CACNA2D3: variants seen among roughly 807,000 people sequenced by gnomAD.
CACNA2D3 encodes the protein calcium voltage-gated channel auxiliary subunit alpha2delta 3, also known as voltage-dependent calcium channel subunit alpha-2/delta-3.
CACNA2D3 carries 60 observed loss-of-function variants against 160.6 expected under a neutral mutation model. That is an observed-to-expected ratio of 0.37 (90% confidence interval 0.30 to 0.46). The LOEUF is 0.46. Ranked by LOEUF, CACNA2D3 falls within the 20% of genes least tolerant of loss-of-function variation. CACNA2D3 has a pLI of 1.00. For missense variants in CACNA2D3, 1,205 were observed against 1,365.0 expected (o/e 0.88, Z 1.85); for synonymous variants, 558 against 492.9 (o/e 1.13, Z -1.75).
At chr3:54,911,548 A>G (rs1219952581) in intron 27 of CACNA2D3, among the ~76,000 whole-genome samples, 2 of 149,380 alleles carry the variant, frequency 1.3e-5, no homozygotes, top group South Asian at 2.1e-4. Flanking sequence ...CCTACCTACA[A>G]CCAATCTGCC....
intron 24 of CACNA2D3, among the ~76,000 whole-genome samples, chr3:54,888,922 G>C (rs529484149): frequency 5.3e-5 from 8 of 152,208 alleles, no homozygotes; most frequent in Non-Finnish European, 1.2e-4. Flanking sequence ...CATGGCACCT[G>C]TGGTATATAG....
At chr3:54,296,304 TCTC>T (rs796144643) in intron 2 of CACNA2D3, among the ~76,000 whole-genome samples, 12 of 152,222 alleles carry the variant, frequency 7.9e-5, no homozygotes, top group African/African-American at 2.9e-4. Context: ...TCCTCTCCCT[TCTC>T]CTCCTTTTCT....
chr3:54,835,859 A>C (rs1698665656), intron 14 of CACNA2D3, among the ~76,000 whole-genome samples: 1 of 152,226 alleles, frequency 6.6e-6, no homozygotes, highest in Non-Finnish European at 1.5e-5. Flanking sequence ...AGAGAAAAGA[A>C]GCTGGCATCC....
intron 2 of CACNA2D3, among the ~76,000 whole-genome samples, chr3:54,202,011 A>G (rs1157764766): frequency 6.6e-6 from 1 of 152,238 alleles, no homozygotes; most frequent in Non-Finnish European, 1.5e-5. Flanking sequence ...TGAATTTCAG[A>G]TAAATAACAC....
At chr3:55,000,235 T>C (rs1184219669) in intron 31 of CACNA2D3, among the ~76,000 whole-genome samples, 1 of 152,118 alleles carries the variant, frequency 6.6e-6, no homozygotes, top group East Asian at 1.9e-4. Context: ...AGCCGCAAAA[T>C]GGAGTTATTT....
At chr3:54,824,189 A>G (rs917553944) in intron 14 of CACNA2D3, among the ~76,000 whole-genome samples, 1 of 152,242 alleles carries the variant, frequency 6.6e-6, no homozygotes, top group Non-Finnish European at 1.5e-5. Flanking sequence ...TTAGCTTATC[A>G]GTAATCCTTA....
At chr3:54,519,807 G>C (rs568793131) in intron 5 of CACNA2D3, among the ~76,000 whole-genome samples, 20 of 152,316 alleles carry the variant, frequency 1.3e-4, no homozygotes, top group Admixed American at 8.5e-4. Context: ...AGAAATCTAA[G>C]TCAGATGTCC....
In CACNA2D3 at chr3:54,321,176, C is replaced by T. The variant is rs144856192; in HGVS notation, c.321+618C>T. On this transcript the variant is annotated intron_variant, in intron 3 of 37. Coordinates refer to ENST00000474759, the MANE Select transcript of CACNA2D3 (RefSeq NM_018398.3). Reference sequence around the variant, plus strand: ...CTCTACTAAAAATATAAAAATTAGCCGGGTGTGTTGGTGGGTGCCTGTAAT... The same window carrying T: ...CTCTACTAAAAATATAAAAATTAGCTGGGTGTGTTGGTGGGTGCCTGTAAT... Among the ~76,000 whole-genome samples, 896 of 152,010 alleles carry T rather than the reference C, an allele frequency of 5.9e-3. 9 individuals are homozygous for T. The highest frequency in any genetic ancestry group is 0.02 in the African/African-American group (826 of 41,440).
chr3:54,236,863 T>C (rs1390069784), intron 2 of CACNA2D3, among the ~76,000 whole-genome samples: 2 of 152,090 alleles, frequency 1.3e-5, no homozygotes, highest in African/African-American at 4.8e-5. Flanking sequence ...GTTTCCTCAT[T>C]GATAACATGA....
At chr3:54,643,174 A>T (rs1027029940) in intron 11 of CACNA2D3, among the ~76,000 whole-genome samples, 1 of 152,204 alleles carries the variant, frequency 6.6e-6, no homozygotes, top group Non-Finnish European at 1.5e-5. Flanking sequence ...TTACTGCTTT[A>T]TCTGTTTTGC....
intron 4 of CACNA2D3, among the ~76,000 whole-genome samples, chr3:54,403,332 G>T (rs896993070): frequency 6.6e-6 from 1 of 150,672 alleles, no homozygotes; most frequent in Middle Eastern, 3.4e-3. Context: ...TCCAGCCTGG[G>T]TGACAGAGCC....
At chr3:54,856,833 T>G (rs186417832) in intron 17 of CACNA2D3, among the ~76,000 whole-genome samples, 6 of 152,256 alleles carry the variant, frequency 3.9e-5, no homozygotes. Context: ...CAGGCTGGAG[T>G]GCAGTGGCAC....
rs1484827021 is a variant in CACNA2D3 at position 54,416,603 on chromosome 3, A to G, written c.381+29829A>G. On this transcript the variant is annotated intron_variant, in intron 4 of 37. Transcript: ENST00000474759. ...CTGATTCTTTCTTTAAAAAATACTT[A>G]TAGCTTAATCATAGGAGATTCAATT... Among the ~76,000 whole-genome samples the G allele has an allele frequency of 4.6e-5, 7 of 152,316 alleles. No homozygotes were observed. In the East Asian group the frequency reaches 5.8e-4, roughly 13 times the overall value.
intron 27 of CACNA2D3, chr3:54,918,701 G>A (rs753133757): frequency 2.2e-5 from 36 of 1,613,998 alleles, no homozygotes; most frequent in African/African-American, 8.0e-5. Flanking sequence ...AAGAGTTCTC[G>A]CTCCCCCGCG....
At chr3:54,761,479 T>G (rs145052611) in intron 12 of CACNA2D3, among the ~76,000 whole-genome samples, 33 of 152,342 alleles carry the variant, frequency 2.2e-4, no homozygotes, top group African/African-American at 7.2e-4. Flanking sequence ...GGAGAGATGA[T>G]AACTGTGTAT....
intron 26 of CACNA2D3, 154 bp downstream of exon 26, chr3:54,897,024 C>G (rs1181284277): frequency 2.3e-5 from 19 of 824,910 alleles, no homozygotes; most frequent in Non-Finnish European, 3.5e-5. Context: ...GAACCAGTGA[C>G]CAGTTCCATA....
intron 13 of CACNA2D3, among the ~76,000 whole-genome samples, chr3:54,810,449 G>A (rs1410673614): frequency 6.6e-6 from 1 of 152,118 alleles, no homozygotes; most frequent in Non-Finnish European, 1.5e-5. Flanking sequence ...GTAGAGTGCG[G>A]ATCTTTATCC....
chr3:54,366,271 A>T (rs920532488), intron 3 of CACNA2D3, among the ~76,000 whole-genome samples: 1 of 152,206 alleles, frequency 6.6e-6, no homozygotes, highest in African/African-American at 2.4e-5. Context: ...CTAGTCAGAG[A>T]CACCACATGT....
chr3:54,632,720 A>C (rs1329001858), intron 10 of CACNA2D3: 1 of 152,048 alleles, frequency 6.6e-6, no homozygotes, highest in Non-Finnish European at 1.5e-5. Context: ...AGCAAGGGAA[A>C]GATTTTGAGG....
Sources: gnomAD v4.1 joint callset for allele counts (sites outside exome capture counted in the v4.1 genomes callset) on GRCh38, gnomAD v4.1.1 for gene constraint, MANE v1.5 for transcripts, NCBI Gene and HGNC (gene_info 2026-07-23, HGNC 2026-07-21) for gene names.